The following SNX16 variants were observed in gnomAD, a reference collection of about 807,000 sequenced individuals.
SNX16 encodes the protein sorting nexin-16.
A neutral mutation model predicts 36.7 loss-of-function variants in SNX16; 35 were observed. The observed-to-expected ratio is 0.95, with a 90% CI of 0.73 to 1.27. The LOEUF is 1.27. Ranked by LOEUF, SNX16 falls within the 50% of genes most tolerant of loss-of-function variation. The pLI, the probability that SNX16 is intolerant of heterozygous loss-of-function variation, is 0.00. For synonymous variants in SNX16, 134 were observed against 132.0 expected, an observed-to-expected ratio of 1.02 and a Z score of -0.10; for missense variants, 367 against 393.6, an observed-to-expected ratio of 0.93 and a Z score of 0.57.
intron 5 of SNX16, among the ~76,000 whole-genome samples, chr8:81,812,361 C>T (rs1403048079): frequency 6.6e-6 from 1 of 152,060 alleles, no homozygotes. Context: ...AAGAGATCTA[C>T]ACCCCAATAC....
At chr8:81,836,724 A>G (rs1036193483) in intron 2 of SNX16, among the ~76,000 whole-genome samples, 1 of 152,208 alleles carries the variant, frequency 6.6e-6, no homozygotes, top group Non-Finnish European at 1.5e-5. Context: ...AGAACCTACT[A>G]ACTGCTTCCT....
At chr8:81,838,336 A>C (rs887404455) in intron 2 of SNX16, among the ~76,000 whole-genome samples, 11 of 152,166 alleles carry the variant, frequency 7.2e-5, no homozygotes, top group Admixed American at 6.5e-4. Context: ...CAAAGGGTGA[A>C]GAATAGCCAA....
At position 81,801,547 on chromosome 8, in the gene SNX16, C is replaced by T. The variant is rs1360529172; in HGVS notation, c.985G>A (p.Val329Ile). ...CLSFSEPENA[V>I]SEIEVAEVAY... ...ACTTCTGCTACTTCTATCTCTGATA[C>T]AGCATTTTCAGGTTCACTAAAACTT... is the stretch of plus-strand genomic sequence containing the variant. Residue 329 changes from valine (V) to isoleucine (I), a missense_variant, in exon 8 of 8, where the codon GTA becomes ATA. By Grantham distance (29) the Val-to-Ile change is conservative (BLOSUM62 3). Transcript: ENST00000345957. The T allele has an allele frequency of 1.3e-6, 2 of 1,584,398 alleles. No individual in the cohort carries two copies. The highest frequency in any genetic ancestry group is 1.4e-5 in the African/African-American group (1 of 72,282).
chr8:81,842,005 C>G (rs1811816140), intron 1 of SNX16, 117 bp downstream of exon 1: 1 of 152,024 alleles, frequency 6.6e-6, no homozygotes. Flanking sequence ...CCTGCGGCGC[C>G]TCTCCACTCT....
chr8:81,827,664 T>C (rs917736198), intron 3 of SNX16, among the ~76,000 whole-genome samples: 3 of 152,166 alleles, frequency 2.0e-5, no homozygotes, highest in Non-Finnish European at 4.4e-5. Context: ...CATTCCATAT[T>C]TTACCTTTTC....
At chr8:81,813,285 G>T (rs996141936) in intron 5 of SNX16, among the ~76,000 whole-genome samples, 2 of 151,876 alleles carry the variant, frequency 1.3e-5, no homozygotes, top group Admixed American at 1.3e-4. Flanking sequence ...TAGATCAACA[G>T]ACTAGAATTA....
chr8:81,816,966 T>C (rs1190466882), intron 4 of SNX16, among the ~76,000 whole-genome samples: 1 of 152,204 alleles, frequency 6.6e-6, no homozygotes, highest in East Asian at 1.9e-4. Flanking sequence ...AGTTGGCTGA[T>C]AGCACAGAAT....
chr8:81,817,742 G>GT, intron 4 of SNX16, among the ~76,000 whole-genome samples: 1 of 152,202 alleles, frequency 6.6e-6, no homozygotes, highest in East Asian at 1.9e-4. Context: ...GAAGATGGTA[G>GT]TAATTGAGAA....
At chr8:81,816,926 C>G (rs1203747050) in intron 4 of SNX16, among the ~76,000 whole-genome samples, 1 of 152,188 alleles carries the variant, frequency 6.6e-6, no homozygotes, top group African/African-American at 2.4e-5. Flanking sequence ...CTGCAACCCT[C>G]TCTAGTCATG....
chr8:81,804,707 T>C (rs1302980521), intron 5 of SNX16, among the ~76,000 whole-genome samples: 1 of 152,080 alleles, frequency 6.6e-6, no homozygotes, highest in Non-Finnish European at 1.5e-5. Context: ...AAAACAGCCA[T>C]ATTTAAAATA....
chr8:81,808,475 G>T (rs760483844), intron 5 of SNX16: 43 of 974,950 alleles, frequency 4.4e-5, no homozygotes, highest in African/African-American at 4.3e-4. Flanking sequence ...GTGGTGGTGG[G>T]GGATATGGTG....
Position 81,839,875 on chromosome 8 carries a change from T to C in SNX16, c.112A>G (p.Asn38Asp). The C allele has an allele frequency of 1.2e-6, 2 of 1,614,010 alleles. No individual in the cohort carries two copies. The highest frequency in any genetic ancestry group is 1.7e-6 in the Non-Finnish European group (2 of 1,179,928). ...SSFGSVSTSSNSSKGQLEDSN... is the reference protein window; with the variant it reads ...SSFGSVSTSSDSSKGQLEDSN... Reference sequence around the variant, plus strand: ...TCTTCTAACTGGCCCTTAGAAGAATTTGAGCTTGTTGAGACACTGCCAAAA... The same window carrying C: ...TCTTCTAACTGGCCCTTAGAAGAATCTGAGCTTGTTGAGACACTGCCAAAA... The change falls in exon 2 of 8, where the codon AAT becomes GAT. Residue 38 changes from asparagine to aspartate, a missense_variant. Physicochemically the swap from Asn to Asp is conservative, Grantham distance 23. Transcript: ENST00000345957.
intron 5 of SNX16, among the ~76,000 whole-genome samples, chr8:81,810,486 T>A (rs190311682): frequency 5.9e-5 from 9 of 152,342 alleles, no homozygotes; most frequent in Admixed American, 1.3e-4. Context: ...CTCATTAGGT[T>A]ACTGTAGATT....
intron 5 of SNX16, among the ~76,000 whole-genome samples, chr8:81,809,636 T>C (rs1370783314): frequency 6.6e-6 from 1 of 152,176 alleles, no homozygotes; most frequent in Non-Finnish European, 1.5e-5. Flanking sequence ...CAGTAAGATA[T>C]TATTTTATAC....
At chr8:81,820,907 CCTCTT>C (rs1168481414) in intron 4 of SNX16, among the ~76,000 whole-genome samples, 1 of 151,300 alleles carries the variant, frequency 6.6e-6, no homozygotes, top group Non-Finnish European at 1.5e-5. Context: ...AACCCTTCCT[CCTCTT>C]CTCTGACTCA....
At chr8:81,834,916 A>G (rs1811426136) in intron 2 of SNX16, among the ~76,000 whole-genome samples, 1 of 152,156 alleles carries the variant, frequency 6.6e-6, no homozygotes, top group South Asian at 2.1e-4. Context: ...CAGCTCCACT[A>G]GACAGTGCCC....
Position 81,800,826 on chromosome 8 carries a change from C to T in SNX16, c.*671G>A, listed in dbSNP as rs751962006. ...AAATGTAACATATTAATAACTGTGA[C>T]ACTTATTAAAGTATTTTGATATTAA... On this transcript the variant is annotated 3_prime_UTR_variant, in exon 8 of 8. Coordinates refer to ENST00000345957, the MANE Select transcript of SNX16 (RefSeq NM_152836.3). The T allele has an allele frequency of 6.6e-6, 1 of 152,158 alleles. No individual in the cohort carries two copies. Among genetic ancestry groups the T allele is most frequent in the Admixed American group, 6.6e-5 (1 of 15,234 alleles). The allele number at this position is 152,158 out of a possible 1,614,324, so 9.4% of individuals were successfully genotyped here.
chr8:81,803,356 A>G (rs758221403), intron 5 of SNX16, 128 bp from the exon 6 acceptor site: 397 of 958,256 alleles, frequency 4.1e-4, no homozygotes, highest in Non-Finnish European at 5.4e-4. Flanking sequence ...TAATAGTATG[A>G]AACTCCAAAT....
rs1407404815 is a variant in SNX16 at position 81,840,307 on chromosome 8, T to G, written c.-96-225A>C. On this transcript the variant is annotated intron_variant, in intron 1 of 7. Transcript: ENST00000345957. ...ACTCCATGTTACATGTTATCCCTTT[T>G]TCCTCTACTTTATTCCCTTGTGAAG... The G allele has an allele frequency of 1.4e-5, 3 of 210,014 alleles. No homozygotes were observed. In the Admixed American group the frequency reaches 1.5e-4, roughly 11 times the overall value. The allele number at this position is 210,014 out of a possible 1,614,324, so 13.0% of individuals were successfully genotyped here. A position where few individuals can be genotyped will look rare whatever the true frequency, so the allele number is the denominator to read the frequency against.
Sources: allele counts gnomAD v4.1 joint callset (sites outside exome capture counted in the v4.1 genomes callset), GRCh38; gene constraint gnomAD v4.1.1; transcripts MANE v1.5; gene names NCBI Gene and HGNC (gene_info 2026-07-23, HGNC 2026-07-21).